The following GPBP1 variants were observed in gnomAD, a reference collection of about 807,000 sequenced individuals.
GPBP1 encodes the protein GC-rich promoter binding protein 1, also known as vasculin.
Under a neutral mutation model 56.5 loss-of-function variants are expected in GPBP1, and 13 were observed. That is an observed-to-expected ratio of 0.23 (90% confidence interval 0.15 to 0.37). GPBP1 has a LOEUF of 0.37. Among genes scored for constraint, GPBP1 ranks in the 10% least tolerant of loss-of-function variants. GPBP1 has a pLI of 1.00. For synonymous variants in GPBP1, 204 were observed against 188.9 expected, an observed-to-expected ratio of 1.08 and a Z score of -0.66; for missense variants, 477 against 572.3, an observed-to-expected ratio of 0.83 and a Z score of 1.70.
chr5:57,261,219 T>C lies in GPBP1; in HGVS notation c.1200T>C (p.Asn400=). The change falls in exon 11 of 12, where the codon AAT becomes AAC. Residue 400 remains asparagine (N), a synonymous_variant. Transcript: ENST00000506184. ...KEMGWQEDSE[N]DETCAPLTED... Reference sequence around the variant, plus strand: ...TGGGCTGGCAGGAAGACAGTGAAAATGATGAAACATGTGCTCCCTTAACTG... The same window carrying C: ...TGGGCTGGCAGGAAGACAGTGAAAACGATGAAACATGTGCTCCCTTAACTG... 1 of 1,613,288 alleles carries C rather than the reference T, an allele frequency of 6.2e-7. No homozygotes were observed. Among genetic ancestry groups the C allele is most frequent in the African/African-American group, 1.3e-5 (1 of 74,980 alleles).
At chr5:57,185,218 C>G (rs974651403) in intron 2 of GPBP1, among the ~76,000 whole-genome samples, 1 of 151,070 alleles carries the variant, frequency 6.6e-6, no homozygotes, top group Non-Finnish European at 1.5e-5. Flanking sequence ...ATCACCAGCC[C>G]TCTTTAAAAT....
chr5:57,206,092 C>CTGTT (rs953733345), intron 2 of GPBP1, among the ~76,000 whole-genome samples: 32 of 152,146 alleles, frequency 2.1e-4, no homozygotes, highest in African/African-American at 7.5e-4. Context: ...ATTGAGTTGT[C>CTGTT]TGTTTGTTGT....
intron 6 of GPBP1, among the ~76,000 whole-genome samples, chr5:57,243,904 G>C (rs1339585424): frequency 1.3e-5 from 2 of 151,802 alleles, no homozygotes; most frequent in Non-Finnish European, 2.9e-5. Flanking sequence ...GCCCAGGCTG[G>C]TCTTGGACTC....
intron 5 of GPBP1, among the ~76,000 whole-genome samples, 166 bp from the exon 6 acceptor site, chr5:57,235,800 G>A (rs758513174): frequency 1.6e-4 from 24 of 152,150 alleles, no homozygotes; most frequent in Non-Finnish European, 3.4e-4. Flanking sequence ...CGTGACACTG[G>A]CACTCAAAAA....
intron 3 of GPBP1, among the ~76,000 whole-genome samples, chr5:57,219,399 A>AC (rs1561348250): frequency 3.4e-5 from 2 of 59,550 alleles, no homozygotes; most frequent in African/African-American, 1.4e-4. Context: ...AAAAAAAAAA[A>AC]AAAACCAAAA....
intron 10 of GPBP1, among the ~76,000 whole-genome samples, chr5:57,259,065 C>G (rs1183777605): frequency 1.3e-5 from 2 of 152,082 alleles, no homozygotes; most frequent in Non-Finnish European, 2.9e-5. Flanking sequence ...AGGAGGCCAT[C>G]CAGATTAAAG....
chr5:57,242,009 A>C (rs1259467095), intron 6 of GPBP1, among the ~76,000 whole-genome samples: 2 of 152,248 alleles, frequency 1.3e-5, no homozygotes, highest in African/African-American at 4.8e-5. Context: ...TTTTAGTCCC[A>C]CATCCCTTCT....
intron 2 of GPBP1, among the ~76,000 whole-genome samples, chr5:57,213,406 T>C (rs997105743): frequency 2.6e-5 from 4 of 152,178 alleles, no homozygotes; most frequent in Non-Finnish European, 1.5e-5. Context: ...TCTAAAGTGA[T>C]TATTCCTTAG....
At chr5:57,226,561 T>G (rs1194174592) in intron 3 of GPBP1, among the ~76,000 whole-genome samples, 1 of 132,372 alleles carries the variant, frequency 7.6e-6, no homozygotes, top group Non-Finnish European at 1.6e-5. Flanking sequence ...TGCTTTTTTT[T>G]TTTTTTTTTT....
intron 10 of GPBP1, among the ~76,000 whole-genome samples, chr5:57,254,866 A>C (rs1014219542): frequency 4.6e-5 from 7 of 152,214 alleles, no homozygotes; most frequent in Admixed American, 3.3e-4. Flanking sequence ...TTGTACATTT[A>C]ATGTGAACAG....
intron 2 of GPBP1, among the ~76,000 whole-genome samples, chr5:57,197,146 T>C (rs1754800544): frequency 6.6e-6 from 1 of 152,112 alleles, no homozygotes; most frequent in Non-Finnish European, 1.5e-5. Flanking sequence ...ATTCCTGACC[T>C]CAAGTGATCC....
In GPBP1 at chr5:57,222,263, A is replaced by G. The variant is rs558907363; in HGVS notation, c.63+8070A>G. ...ATATTAAGGTAACAAAAATCTTAAG[A>G]TGGTAGACACTCTTATCTCCCCCTG... On this transcript the variant is annotated intron_variant, in intron 3 of 11. Coordinates refer to ENST00000506184, the MANE Select transcript of GPBP1 (RefSeq NM_022913.4). Among the ~76,000 whole-genome samples, 32 of 152,304 alleles carry G rather than the reference A, an allele frequency of 2.1e-4. 1 individual carries two copies. The highest frequency in any genetic ancestry group is 3.7e-4 in the Non-Finnish European group (25 of 68,026).
intron 5 of GPBP1, among the ~76,000 whole-genome samples, chr5:57,233,328 G>A (rs2111864881): frequency 6.6e-6 from 1 of 152,184 alleles, no homozygotes; most frequent in South Asian, 2.1e-4. Flanking sequence ...AAGTAACTTT[G>A]TAATTACTCT....
Position 57,179,087 on chromosome 5 carries a change from T to C in GPBP1, c.-58+2687T>C, listed in dbSNP as rs186581616. Among the ~76,000 whole-genome samples the C allele has an allele frequency of 5.9e-5, 9 of 152,326 alleles. No individual in the cohort carries two copies. The East Asian group carries it at 1.7e-3, about 29-fold the overall frequency. On this transcript the variant is annotated intron_variant, in intron 2 of 11. Transcript: ENST00000506184. ...AGTTACTTTGTTAGAATTGTAATCT[T>C]GACCAAATAAATGTTCAAGCAGTCT... is the stretch of plus-strand genomic sequence containing the variant.
chr5:57,213,072 C>T (rs1320701035), intron 2 of GPBP1, among the ~76,000 whole-genome samples: 1 of 150,088 alleles, frequency 6.7e-6, no homozygotes, highest in Admixed American at 6.6e-5. Flanking sequence ...TTATTTTTTT[C>T]AGAGGGAGCC....
chr5:57,189,201 C>G (rs1450828829), intron 2 of GPBP1, among the ~76,000 whole-genome samples: 1 of 152,220 alleles, frequency 6.6e-6, no homozygotes, highest in Non-Finnish European at 1.5e-5. Context: ...TTCACTGCAA[C>G]TTCCACTTTC....
At chr5:57,202,057 G>A (rs1420063161) in intron 2 of GPBP1, among the ~76,000 whole-genome samples, 1 of 152,044 alleles carries the variant, frequency 6.6e-6, no homozygotes, top group Non-Finnish European at 1.5e-5. Context: ...GTAATGGAGC[G>A]ATCATTGCTC....
intron 10 of GPBP1, among the ~76,000 whole-genome samples, chr5:57,252,632 A>G (rs1481531094): frequency 6.6e-6 from 1 of 152,028 alleles, no homozygotes; most frequent in African/African-American, 2.4e-5. Context: ...AGCTGAAGCG[A>G]TCCTCCCGTC....
chr5:57,237,962 T>C (rs1740613632), intron 6 of GPBP1, among the ~76,000 whole-genome samples: 1 of 152,222 alleles, frequency 6.6e-6, no homozygotes, highest in African/African-American at 2.4e-5. Flanking sequence ...TTAAGTGATT[T>C]ATAATATAGC....
Sources: allele counts gnomAD v4.1 joint callset (sites outside exome capture counted in the v4.1 genomes callset), GRCh38; gene constraint gnomAD v4.1.1; transcripts MANE v1.5; gene names NCBI Gene and HGNC (gene_info 2026-07-23, HGNC 2026-07-21).